The following COG4 variants were observed in gnomAD, a reference collection of about 807,000 sequenced individuals.
The protein encoded by COG4 is component of oligomeric golgi complex 4, also known as conserved oligomeric Golgi complex subunit 4.
A neutral mutation model predicts 95.1 loss-of-function variants in COG4; 65 were observed. The observed-to-expected ratio is 0.68, with a 90% confidence interval of 0.56 to 0.84. The LOEUF (loss-of-function observed/expected upper bound fraction) is 0.84. COG4 is among the 40% of genes least tolerant of loss of function. The pLI is 0.00. For synonymous variants in COG4, 421 were observed against 374.8 expected, an observed-to-expected ratio of 1.12 and a Z score of -1.42; for missense variants, 1,045 against 989.1, an observed-to-expected ratio of 1.06 and a Z score of -0.76.
At chr16:70,505,653 C>A (rs1225150282) in intron 8 of COG4, among the ~76,000 whole-genome samples, 1 of 150,016 alleles carries the variant, frequency 6.7e-6, no homozygotes, top group Non-Finnish European at 1.5e-5. Flanking sequence ...CACGGTGAAA[C>A]CCCGTCTCTA....
chr16:70,488,458 T>TA (rs2049180854), intron 13 of COG4, among the ~76,000 whole-genome samples: 1 of 151,662 alleles, frequency 6.6e-6, no homozygotes, highest in East Asian at 2.0e-4. Flanking sequence ...GGGGTCTCAT[T>TA]ATGTTGCCCA....
In COG4 at chr16:70,481,744, C is replaced by T. The variant is rs1172193218; in HGVS notation, c.2106+20G>A. On this transcript the variant is annotated intron_variant, in intron 17 of 18. Coordinates refer to ENST00000323786, the MANE Select transcript of COG4 (RefSeq NM_015386.3). ...CAGAGGAGAAACGAGAGCCGCAGACCCATGACCCCTTTACCTTACCCGGTT... is the reference window on the plus strand; with the variant it reads ...CAGAGGAGAAACGAGAGCCGCAGACTCATGACCCCTTTACCTTACCCGGTT... 1 of 1,601,374 alleles carries T rather than the reference C, an allele frequency of 6.2e-7. No individual in the cohort carries two copies. The highest frequency in any genetic ancestry group is 1.1e-5 in the South Asian group (1 of 90,664).
At chr16:70,483,262 A>C (rs1597654102) in intron 14 of COG4, among the ~76,000 whole-genome samples, 3 of 38,680 alleles carry the variant, frequency 7.8e-5, no homozygotes, top group Admixed American at 3.8e-4. Flanking sequence ...TCCTCTCCCC[A>C]TCCCTTCCTT....
rs193146102 is a variant in COG4, at chr16:70,485,134, C to G, written c.1711-1165G>C. 6.9e-3 allele frequency among the ~76,000 whole-genome samples: 1,042 copies of G among 151,766 alleles called. 3 individuals carry two copies. Among genetic ancestry groups the G allele is most frequent in the Non-Finnish European group, 0.01 (704 of 67,976 alleles). ...ATTGTAATCCTAGGACTTTGTGAGG[C>G]CAAGGTAGGAGGATTGCTGGAGCCC... On this transcript the variant is annotated intron_variant, in intron 13 of 18. Coordinates refer to ENST00000323786, the MANE Select transcript of COG4 (RefSeq NM_015386.3).
rs748865010 is a variant in COG4, at chr16:70,481,409, C to G, written c.2185G>C (p.Asp729His). The stretch of plus-strand genomic sequence containing the variant: ...ATCTGGGAGAGCCGGGCAAACTTGT[C>G]TCGGATGGTCCAGGTGGTCACCGTG... ...LTTVTTWTIR[D>H]KFARLSQMAT... The change falls in exon 18 of 19, where the codon GAC becomes CAC. Residue 729 changes from aspartate (D) to histidine (H), a missense_variant. Transcript: ENST00000323786. The G allele has an allele frequency of 6.2e-7, 1 of 1,613,388 alleles. No individual in the cohort carries two copies. Among genetic ancestry groups the G allele is most frequent in the South Asian group, 1.1e-5 (1 of 91,066 alleles).
chr16:70,500,945 G>A lies in COG4; in HGVS notation c.1195+13C>T. On this transcript the variant is annotated intron_variant, in intron 9 of 18. Coordinates refer to ENST00000323786, the MANE Select transcript of COG4 (RefSeq NM_015386.3). ...ACCTCAACCCTCCCCAAAAATATGG[G>A]AAACGTTTTTACCTTGCTTTACTTC... The A allele has an allele frequency of 6.2e-7, 1 of 1,613,992 alleles. No homozygotes were observed. The highest frequency in any genetic ancestry group is 2.2e-5 in the East Asian group (1 of 44,878).
At chr16:70,502,249 T>C (rs2049467782) in intron 8 of COG4, among the ~76,000 whole-genome samples, 2 of 109,612 alleles carry the variant, frequency 1.8e-5, no homozygotes, top group African/African-American at 7.2e-5. Context: ...GCCACTGCAC[T>C]CCAGCCTGGA....
At chr16:70,521,320 C>T (rs972477716) in intron 1 of COG4, among the ~76,000 whole-genome samples, 3 of 151,814 alleles carry the variant, frequency 2.0e-5, no homozygotes, top group Non-Finnish European at 4.4e-5. Context: ...GGGGTTCAAG[C>T]GATTTTCATG....
intron 9 of COG4, among the ~76,000 whole-genome samples, chr16:70,499,270 TGAATTC>T (rs1301480317): frequency 6.6e-6 from 1 of 152,224 alleles, no homozygotes; most frequent in African/African-American, 2.4e-5. Flanking sequence ...AATTTGAATT[TGAATTC>T]ATGAATGGCT....
Position 70,517,719 on chromosome 16 carries a change from C to T in COG4, c.276G>A (p.Glu92=), listed in dbSNP as rs768901251. 32 of 1,612,136 alleles carry T rather than the reference C, an allele frequency of 2.0e-5. No homozygotes were observed. Among genetic ancestry groups the T allele is most frequent in the Non-Finnish European group, 2.6e-5 (31 of 1,178,368 alleles). ...TTCCAGCCAGCTGCTTTGCATCTCC[C>T]TCAATCAGCTGCAGATTAGGACTGG... The part of the protein sequence containing the change: ...HRMGPNLQLI[E]GDAKQLAGMI... Residue 92 remains glutamate (E), a synonymous_variant, in exon 3 of 19, where the codon GAG becomes GAA. Transcript: ENST00000323786.
intron 13 of COG4, among the ~76,000 whole-genome samples, chr16:70,485,587 G>GTTTTTT: frequency 8.1e-6 from 1 of 124,146 alleles, no homozygotes; most frequent in Non-Finnish European, 1.7e-5. Flanking sequence ...TGTTTTTTTT[G>GTTTTTT]TTTTTTTTTT....
intron 3 of COG4, among the ~76,000 whole-genome samples, chr16:70,517,312 C>T (rs2049841849): frequency 6.6e-6 from 1 of 151,958 alleles, no homozygotes. Flanking sequence ...GGGCAGATCA[C>T]CTGAGGTCAG....
chr16:70,518,894 T>C (rs1322310288), intron 2 of COG4, among the ~76,000 whole-genome samples: 1 of 151,632 alleles, frequency 6.6e-6, no homozygotes, highest in Non-Finnish European at 1.5e-5. Context: ...GGAGAATCGC[T>C]TGAACCTGGG....
chr16:70,499,655 C>G (rs1432495197), intron 9 of COG4, among the ~76,000 whole-genome samples: 1 of 152,092 alleles, frequency 6.6e-6, no homozygotes, highest in Admixed American at 6.6e-5. Context: ...TCTGGCATGC[C>G]TTTTAAACAA....
At chr16:70,492,379 C>T (rs1293762596) in intron 12 of COG4, among the ~76,000 whole-genome samples, 2 of 152,100 alleles carry the variant, frequency 1.3e-5, no homozygotes, top group Admixed American at 6.6e-5. Context: ...AGCATGGAGG[C>T]CAGGCGCAGT....
At chr16:70,481,932 G>C in intron 16 of COG4, 67 bp from the exon 17 acceptor site, 1 of 1,480,934 alleles carries the variant, frequency 6.8e-7, no homozygotes, top group Non-Finnish European at 9.4e-7. Flanking sequence ...TGGAGTCTTA[G>C]GTGGTGAGGA....
chr16:70,494,357 A>G (rs1597665301), intron 12 of COG4, among the ~76,000 whole-genome samples: 1 of 152,242 alleles, frequency 6.6e-6, no homozygotes, highest in Non-Finnish European at 1.5e-5. Context: ...CCCACAGTGC[A>G]TGATGTCAGT....
At chr16:70,499,875 C>A in intron 9 of COG4, among the ~76,000 whole-genome samples, 1 of 152,196 alleles carries the variant, frequency 6.6e-6, no homozygotes, top group East Asian at 1.9e-4. Context: ...TTAGCCAGGA[C>A]GGTCTTGATC....
At chr16:70,498,713 A>G (rs1247385949) in intron 9 of COG4, among the ~76,000 whole-genome samples, 2 of 152,210 alleles carry the variant, frequency 1.3e-5, no homozygotes, top group Admixed American at 6.6e-5. Flanking sequence ...ATGTTTTGCC[A>G]TTACTGGAGA....
Sources: allele counts gnomAD v4.1 joint callset (sites outside exome capture counted in the v4.1 genomes callset), GRCh38; gene constraint gnomAD v4.1.1; transcripts MANE v1.5; gene names NCBI Gene and HGNC (gene_info 2026-07-23, HGNC 2026-07-21).